The following ITGB2 variants were observed in gnomAD, a reference collection of about 807,000 sequenced individuals.
ITGB2 encodes the protein integrin beta-2.
A neutral mutation model predicts 86.8 loss-of-function variants in ITGB2; 56 were observed. The ratio of observed to expected loss-of-function variants is 0.65; its 90% CI spans 0.52 to 0.81. ITGB2 has a LOEUF of 0.81. ITGB2 is among the 30% of genes least tolerant of loss of function. The pLI is 0.00. For missense variants in ITGB2, 948 were observed against 1,061.2 expected (o/e 0.89, Z 1.48); for synonymous variants, 457 against 450.4 (o/e 1.01, Z -0.19).
rs546831838 is a variant in ITGB2 at position 44,889,088 on chromosome 21, G to A, written c.1877+188C>T. 30 of 697,782 alleles carry A rather than the reference G, an allele frequency of 4.3e-5. No homozygotes were observed. The South Asian group carries it at 5.2e-4, about 12-fold the overall frequency. The allele number at this position is 697,782 out of a possible 1,614,324, so 43.2% of individuals were successfully genotyped here. A position where few individuals can be genotyped will look rare whatever the true frequency, so the allele number is the denominator to read the frequency against. ...AAGCCTGATCCCAGGGCCCGCGGCAGGTGCGCACAGGAGGGAGGAGGGACA... is the reference window on the plus strand; with the variant it reads ...AAGCCTGATCCCAGGGCCCGCGGCAAGTGCGCACAGGAGGGAGGAGGGACA... On this transcript the variant is annotated intron_variant, in intron 13 of 15. Transcript: ENST00000652462.
intron 1 of ITGB2, among the ~76,000 whole-genome samples, chr21:44,917,525 G>T (rs973135993): frequency 2.0e-5 from 3 of 152,196 alleles, no homozygotes; most frequent in African/African-American, 7.2e-5. Flanking sequence ...TGTTCCCACT[G>T]TGACGTTGAT....
rs2083767626 is a variant in ITGB2 at position 44,890,236 on chromosome 21, G to A, written c.1413-14C>T. The A allele has an allele frequency of 8.1e-6, 13 of 1,612,788 alleles. No individual in the cohort carries two copies. The highest frequency in any genetic ancestry group is 1.1e-5 in the Non-Finnish European group (13 of 1,179,992). On this transcript the variant is annotated splice_polypyrimidine_tract_variant and intron_variant, in intron 11 of 15. Transcript: ENST00000652462. ...CCAGTGTCACACCTGGGGACAGGAG[G>A]GGCCCCAAGGTCAGGCTCCCCCCAG...
chr21:44,902,816 G>A (rs1010293222), intron 5 of ITGB2, among the ~76,000 whole-genome samples: 3 of 152,244 alleles, frequency 2.0e-5, no homozygotes, highest in African/African-American at 7.2e-5. Context: ...GCTTGTGTGT[G>A]TGTGTGTTAT....
At chr21:44,908,923 C>T (rs931373701) in intron 3 of ITGB2, among the ~76,000 whole-genome samples, 2 of 152,140 alleles carry the variant, frequency 1.3e-5, no homozygotes, top group African/African-American at 4.8e-5. Context: ...TTGAGCAACT[C>T]GGGGAAGAAA....
At chr21:44,888,667 TC>T (rs1401541944) in intron 14 of ITGB2, 25 bp downstream of exon 14, 1 of 1,602,220 alleles carries the variant, frequency 6.2e-7, no homozygotes, top group South Asian at 1.1e-5. Flanking sequence ...CTGGAGCCGG[TC>T]CCCGCTGCAC....
chr21:44,910,539 G>C (rs1261024981), intron 2 of ITGB2, 167 bp from the exon 3 acceptor site: 27 of 1,455,046 alleles, frequency 1.9e-5, no homozygotes, highest in Non-Finnish European at 2.4e-5. Context: ...GGGCCCTCGG[G>C]AAACAGCACA....
At chr21:44,892,941 CTG>C (rs1475436718) in intron 10 of ITGB2, 1 of 210,068 alleles carries the variant, frequency 4.8e-6, no homozygotes, top group Non-Finnish European at 9.9e-6. Flanking sequence ...TGCGCCTGTT[CTG>C]TGTGTCCGGC....
chr21:44,900,531 C>T (rs2146524555), intron 6 of ITGB2, 56 bp from the exon 7 acceptor site: 1 of 1,606,260 alleles, frequency 6.2e-7, no homozygotes, highest in Non-Finnish European at 8.5e-7. Context: ...AGACCCGGCC[C>T]TCTGGAGCAG....
chr21:44,922,909 A>G (rs903568838), upstream of ITGB2: 1 of 152,230 alleles, frequency 6.6e-6, no homozygotes, highest in African/African-American at 2.4e-5. Context: ...TCTTCTCATT[A>G]CAGACTTAGC....
At chr21:44,907,685 C>T (rs1279284905) in intron 3 of ITGB2, among the ~76,000 whole-genome samples, 1 of 152,250 alleles carries the variant, frequency 6.6e-6, no homozygotes, top group African/African-American at 2.4e-5. Context: ...TGGCCCCGAG[C>T]CTGCTGCCTC....
intron 1 of ITGB2, among the ~76,000 whole-genome samples, chr21:44,912,249 G>A (rs1334289362): frequency 1.3e-5 from 2 of 152,190 alleles, no homozygotes; most frequent in Non-Finnish European, 2.9e-5. Flanking sequence ...ACTAGGGCCT[G>A]CCGGCTTTGA....
chr21:44,927,328 G>A (rs1333642175), intron 1 of ITGB2, among the ~76,000 whole-genome samples: 1 of 152,158 alleles, frequency 6.6e-6, no homozygotes, highest in African/African-American at 2.4e-5. Context: ...GGAAGAGTCA[G>A]GTCAGTGAGG....
At chr21:44,907,536 C>A (rs1333828358) in intron 3 of ITGB2, among the ~76,000 whole-genome samples, 2 of 152,240 alleles carry the variant, frequency 1.3e-5, no homozygotes, top group African/African-American at 2.4e-5. Flanking sequence ...GGTTCTGGGC[C>A]AAGCCCCTCA....
At position 44,901,433 on chromosome 21, in the gene ITGB2, C is replaced by T. The variant is rs1412916047; in HGVS notation, c.741+59G>A. 4 of 1,592,692 alleles carry T rather than the reference C, an allele frequency of 2.5e-6. No individual in the cohort carries two copies. In the East Asian group the frequency reaches 9.1e-5, roughly 36 times the overall value. On this transcript the variant is annotated intron_variant, in intron 6 of 15. Coordinates refer to ENST00000652462, the MANE Select transcript of ITGB2 (RefSeq NM_000211.5). ...GTACCCCCCTGCCCCCACACAGCGC[C>T]TGACAGAGCCCCCCACACTGGGGGA...
upstream of ITGB2, among the ~76,000 whole-genome samples, chr21:44,922,718 A>G (rs544327088): frequency 1.3e-5 from 2 of 152,106 alleles, no homozygotes; most frequent in Non-Finnish European, 2.9e-5. Flanking sequence ...AAAATAGAAC[A>G]AACAAGAAAG....
At chr21:44,893,018 T>G in intron 10 of ITGB2, 1 of 243,704 alleles carries the variant, frequency 4.1e-6, no homozygotes, top group Non-Finnish European at 7.9e-6. Flanking sequence ...ACCCAGGGAT[T>G]TGGGCTCCAG....
At chr21:44,928,479 G>A (rs1312551895) in intron 1 of ITGB2, 3 of 152,460 alleles carry the variant, frequency 2.0e-5, no homozygotes, top group African/African-American at 7.2e-5. Context: ...AATGTGGTGG[G>A]GCAGTGGGAG....
Position 44,926,156 on chromosome 21 carries a change from G to C in ITGB2, c.-4+2498C>G, listed in dbSNP as rs150509762. On this transcript the variant is annotated intron_variant, in intron 1 of 15. Coordinates refer to the ITGB2 transcript ENST00000355153. ...AAATTAATTAATTAATTAAATAAAG[G>C]CTGGTGGAGGGAGTGAAGGGGAGGG... Among the ~76,000 whole-genome samples the C allele has an allele frequency of 9.1e-3, 1,380 of 151,946 alleles. 21 individuals carry two copies. The highest frequency in any genetic ancestry group is 0.032 in the African/African-American group (1,325 of 41,384).
chr21:44,913,184 G>A (rs1467337658), intron 1 of ITGB2, among the ~76,000 whole-genome samples: 2 of 152,040 alleles, frequency 1.3e-5, no homozygotes, highest in African/African-American at 4.8e-5. Flanking sequence ...TCGCAGCTGC[G>A]CCAAGTGGGG....
Sources: allele counts gnomAD v4.1 joint callset (sites outside exome capture counted in the v4.1 genomes callset), GRCh38; gene constraint gnomAD v4.1.1; transcripts MANE v1.5; gene names NCBI Gene and HGNC (gene_info 2026-07-23, HGNC 2026-07-21).